The following ZNF140 variants were observed in gnomAD, a reference collection of about 807,000 sequenced individuals.
The protein encoded by ZNF140 is zinc finger protein 140 (clone pHZ-39).
A neutral mutation model predicts 12.9 loss-of-function variants in ZNF140; 13 were observed. The observed-to-expected ratio is 1.01, with a 90% CI of 0.66 to 1.60. The LOEUF is 1.60. ZNF140 is among the 40% of genes most tolerant of loss of function. ZNF140 has a pLI of 0.00. For synonymous variants in ZNF140, 214 were observed against 186.7 expected (o/e 1.15, Z -1.19); for missense variants, 531 against 548.8 (o/e 0.97, Z 0.32).
At chr12:133,081,122 C>G (rs1954459860) in intron 1 of ZNF140, 50 bp downstream of exon 1, 7 of 276,328 alleles carry the variant, frequency 2.5e-5, no homozygotes, top group Non-Finnish European at 5.2e-5. Context: ...AAAGCCGGCG[C>G]CAGTGGTCCA....
intron 4 of ZNF140, among the ~76,000 whole-genome samples, chr12:133,085,156 CTG>C (rs201132085): frequency 6.6e-6 from 1 of 152,070 alleles, no homozygotes; most frequent in East Asian, 1.9e-4. Context: ...CCCTGAGTAA[CTG>C]GGACTACAGG....
intron 4 of ZNF140, among the ~76,000 whole-genome samples, chr12:133,104,245 G>A (rs1031136811): frequency 6.6e-6 from 1 of 152,022 alleles, no homozygotes; most frequent in African/African-American, 2.4e-5. Flanking sequence ...TTATCATTTG[G>A]CATATGATTT....
rs1272440534 is a variant in ZNF140 at position 133,080,991 on chromosome 12, T to C, written c.-130T>C. 6.0e-6 allele frequency: 1 copy of C among 167,288 alleles called. No homozygotes were observed. The highest frequency in any genetic ancestry group is 1.3e-5 in the Non-Finnish European group (1 of 76,362). The allele number at this position is 167,288 out of a possible 1,614,324, so 10.4% of individuals were successfully genotyped here. A position where few individuals can be genotyped will look rare whatever the true frequency, so the allele number is the denominator to read the frequency against. Reference sequence around the variant, plus strand: ...GTCTGCGCCGGATGGCCCCGGGCGGTGACTCGGTCCGGAGCCCTGGAACGC... The same window carrying C: ...GTCTGCGCCGGATGGCCCCGGGCGGCGACTCGGTCCGGAGCCCTGGAACGC... On this transcript the variant is annotated 5_prime_UTR_variant, in exon 1 of 5. Transcript: ENST00000355557.
At position 133,106,425 on chromosome 12, in the gene ZNF140, A is replaced by G. The variant is rs768146427; in HGVS notation, c.1148A>G (p.Lys383Arg). Reference protein sequence around the residue: ...IQHTKSHTGEKPYACAECDKA... With the variant: ...IQHTKSHTGERPYACAECDKA... The stretch of plus-strand genomic sequence containing the variant: ...CATACGAAGAGTCACACTGGAGAGA[A>G]ACCCTATGCGTGTGCTGAATGTGAT... The change falls in exon 5 of 5, where the codon AAA (lysine) becomes AGA (arginine). Residue 383 changes from lysine (K) to arginine (R), a missense_variant. Physicochemically the swap from Lys to Arg is conservative, Grantham distance 26. Transcript: ENST00000355557. The G allele has an allele frequency of 1.2e-6, 2 of 1,614,134 alleles. No homozygotes were observed. The highest frequency in any genetic ancestry group is 2.2e-5 in the South Asian group (2 of 91,082).
At chr12:133,096,746 T>G (rs73160478) in intron 4 of ZNF140, among the ~76,000 whole-genome samples, 33,046 of 152,246 alleles carry the variant, frequency 0.22, 4,267 homozygotes, top group Non-Finnish European at 0.29. Context: ...ATTATATGAT[T>G]TCTATTCTTT....
rs778661596 is a variant in ZNF140 at position 133,106,428 on chromosome 12, C to T, written c.1151C>T (p.Pro384Leu). Residue 384 changes from proline (P) to leucine (L), a missense_variant, in exon 5 of 5, where the codon CCC becomes CTC. Coordinates refer to ENST00000355557, the MANE Select transcript of ZNF140 (RefSeq NM_003440.4). Reference protein sequence around the residue: ...QHTKSHTGEKPYACAECDKAF... With the variant: ...QHTKSHTGEKLYACAECDKAF... ...ACGAAGAGTCACACTGGAGAGAAACCCTATGCGTGTGCTGAATGTGATAAA... is the reference window on the plus strand; with the variant it reads ...ACGAAGAGTCACACTGGAGAGAAACTCTATGCGTGTGCTGAATGTGATAAA... 6.2e-7 allele frequency: 1 copy of T among 1,614,012 alleles called. No individual in the cohort carries two copies. The highest frequency in any genetic ancestry group is 2.2e-5 in the East Asian group (1 of 44,842).
In ZNF140 at chr12:133,106,652, ATT is replaced by A. The variant is rs1340753057; in HGVS notation, c.*3_*4del. ...CTCATTCCTTACTGAACACCAGTGA[ATT>A]TACACTGCAAAGAAAAACTATGAAT... On this transcript the variant is annotated 3_prime_UTR_variant, in exon 5 of 5. Coordinates refer to ENST00000355557, the MANE Select transcript of ZNF140 (RefSeq NM_003440.4). The A allele has an allele frequency of 1.3e-6, 2 of 1,563,042 alleles. No homozygotes were observed. Among genetic ancestry groups the A allele is most frequent in the East Asian group, 2.2e-5 (1 of 44,552 alleles).
chr12:133,101,108 G>A, intron 4 of ZNF140: 1 of 375,310 alleles, frequency 2.7e-6, no homozygotes, highest in South Asian at 2.1e-5. Context: ...TTCTGAAATT[G>A]GAATATAATA....
At chr12:133,099,335 T>C (rs1312617821) in intron 4 of ZNF140, among the ~76,000 whole-genome samples, 2 of 151,026 alleles carry the variant, frequency 1.3e-5, no homozygotes, top group African/African-American at 4.9e-5. Flanking sequence ...CACCACCACG[T>C]CCGGCTAATT....
At chr12:133,101,129 T>C in intron 4 of ZNF140, 1 of 279,080 alleles carries the variant, frequency 3.6e-6, no homozygotes, top group South Asian at 3.3e-5. Context: ...TACCTAATTG[T>C]AGGGGTTTTT....
rs769393001 is a variant in ZNF140 at position 133,095,466 on chromosome 12, G to A, written c.233-10044G>A. Among the ~76,000 whole-genome samples the A allele has an allele frequency of 7.8e-4, 117 of 150,720 alleles. 5 individuals are homozygous for A. Among genetic ancestry groups the A allele is most frequent in the Non-Finnish European group, 1.4e-3 (93 of 67,768 alleles). On this transcript the variant is annotated intron_variant, in intron 4 of 4. Coordinates refer to ENST00000355557, the MANE Select transcript of ZNF140 (RefSeq NM_003440.4). ...CTAGAGAAAGGCCCCCACATCGGGC[G>A]CCAGATGAAGGGGTGGCCTGCCCCT...
intron 4 of ZNF140, among the ~76,000 whole-genome samples, chr12:133,103,214 A>T (rs1292435623): frequency 1.3e-5 from 2 of 152,188 alleles, no homozygotes; most frequent in Non-Finnish European, 2.9e-5. Flanking sequence ...ATTTTGAAAG[A>T]TACATTATTA....
At position 133,106,724 on chromosome 12, in the gene ZNF140, A is replaced by C; in HGVS notation, c.*73A>C. 2 of 1,344,942 alleles carry C rather than the reference A, an allele frequency of 1.5e-6. No homozygotes were observed. Among genetic ancestry groups the C allele is most frequent in the Non-Finnish European group, 2.0e-6 (2 of 1,000,740 alleles). The allele number at this position is 1,344,942 out of a possible 1,614,324, so 83.3% of individuals were successfully genotyped here. On this transcript the variant is annotated 3_prime_UTR_variant, in exon 5 of 5. Transcript: ENST00000355557. ...GAAGTATAATGCCTTACTTCAGAGAACTCTTGGAAAGAAGCCTTATGTGAA... is the reference window on the plus strand; with the variant it reads ...GAAGTATAATGCCTTACTTCAGAGACCTCTTGGAAAGAAGCCTTATGTGAA...
chr12:133,081,375 TTTTA>T, intron 2 of ZNF140, 46 bp downstream of exon 2: 1 of 117,406 alleles, frequency 8.5e-6, no homozygotes, highest in South Asian at 1.8e-4. Flanking sequence ...ATATATAAAT[TTTTA>T]TTTTTTTTTT....
intron 4 of ZNF140, among the ~76,000 whole-genome samples, chr12:133,095,774 AC>A (rs201105275): frequency 0.025 from 3,839 of 150,778 alleles, 124 homozygotes; most frequent in African/African-American, 0.08. Flanking sequence ...AAGGGAAGGT[AC>A]TATGCCTGGA....
At chr12:133,085,814 G>T (rs1458711439) in intron 4 of ZNF140, among the ~76,000 whole-genome samples, 3 of 152,162 alleles carry the variant, frequency 2.0e-5, no homozygotes, top group Admixed American at 6.5e-5. Flanking sequence ...GCCAGGAGTT[G>T]AAGACAAGCC....
intron 4 of ZNF140, among the ~76,000 whole-genome samples, chr12:133,103,944 C>T (rs1250666219): frequency 6.6e-6 from 1 of 152,160 alleles, no homozygotes; most frequent in Non-Finnish European, 1.5e-5. Context: ...GTTTCACTGC[C>T]TCCCCATCTT....
chr12:133,092,870 C>T (rs1954940900), intron 4 of ZNF140, among the ~76,000 whole-genome samples: 1 of 151,172 alleles, frequency 6.6e-6, no homozygotes, highest in South Asian at 2.1e-4. Flanking sequence ...ATCAGCCGCA[C>T]ATTGTTCCCA....
chr12:133,095,647 T>C (rs983994154), intron 4 of ZNF140, among the ~76,000 whole-genome samples: 1 of 150,280 alleles, frequency 6.7e-6, no homozygotes, highest in Admixed American at 6.6e-5. Flanking sequence ...TCCCTCAGTT[T>C]TTATTATTAT....
Sources: allele counts gnomAD v4.1 joint callset (sites outside exome capture counted in the v4.1 genomes callset), GRCh38; gene constraint gnomAD v4.1.1; transcripts MANE v1.5; gene names NCBI Gene and HGNC (gene_info 2026-07-23, HGNC 2026-07-21).